The following CCDC125 variants were observed in gnomAD, a reference collection of about 807,000 sequenced individuals.
CCDC125 encodes coiled-coil domain-containing protein 125.
A neutral mutation model predicts 57.4 loss-of-function variants in CCDC125; 43 were observed. The ratio of observed to expected loss-of-function variants is 0.75; its 90% confidence interval spans 0.59 to 0.97. The LOEUF (loss-of-function observed/expected upper bound fraction) is 0.97, where lower values mean the gene tolerates loss of function less well. Ranked by LOEUF, CCDC125 falls within the 50% of genes least tolerant of loss-of-function variation. The pLI is 0.00. For missense variants in CCDC125, 563 were observed against 595.7 expected, an observed-to-expected ratio of 0.95 and a Z score of 0.57; for synonymous variants, 187 against 195.2, an observed-to-expected ratio of 0.96 and a Z score of 0.35.
At chr5:69,273,680 G>A in the CCDC125 span, among the ~76,000 whole-genome samples, 219 of 152,318 alleles carry the variant, frequency 1.4e-3, no homozygotes, top group African/African-American at 5.1e-3. Flanking sequence ...ACACAGTGCA[G>A]TGATTTTACC....
intron 7 of CCDC125, among the ~76,000 whole-genome samples, chr5:69,300,463 T>C (rs186330896): frequency 3.9e-5 from 6 of 152,208 alleles, no homozygotes; most frequent in African/African-American, 7.2e-5. Context: ...GTGAGAAAAC[T>C]GGATGGTGAG....
intron 7 of CCDC125, 98 bp downstream of exon 7, chr5:69,303,749 C>T (rs1161758568): frequency 4.5e-6 from 3 of 667,756 alleles, no homozygotes; most frequent in African/African-American, 1.9e-5. Context: ...CTAAATGATA[C>T]ATTTCTCCCC....
At chr5:69,277,631 G>A (rs1353937499), downstream of CCDC125, among the ~76,000 whole-genome samples, 3 of 152,058 alleles carry the variant, frequency 2.0e-5, no homozygotes, top group Non-Finnish European at 2.9e-5. Context: ...TTAGCTGGGC[G>A]TGGTGGTGGG....
chr5:69,299,172 C>G (rs559752773), intron 8 of CCDC125, among the ~76,000 whole-genome samples: 2 of 150,890 alleles, frequency 1.3e-5, no homozygotes, highest in South Asian at 2.1e-4. Flanking sequence ...TGCAGTGGCG[C>G]GATCTCGGCT....
chr5:69,281,770 T>C lies in CCDC125; in HGVS notation c.*959A>G, dbSNP rs1272485548. On this transcript the variant is annotated 3_prime_UTR_variant, in exon 12 of 12. Transcript: ENST00000396496. ...TACTTTTTAGAGCATTAAGATACAT[T>C]GCTATATTGTTGATTTAGCCAAGCT... is the stretch of plus-strand genomic sequence containing the variant. 2.0e-5 allele frequency: 3 copies of C among 152,190 alleles called. No homozygotes were observed. The highest frequency in any genetic ancestry group is 4.4e-5 in the Non-Finnish European group (3 of 68,034). The allele number at this position is 152,190 out of a possible 1,614,324, so 9.4% of individuals were successfully genotyped here. A position where few individuals can be genotyped will look rare whatever the true frequency, so the allele number is the denominator to read the frequency against.
intron 8 of CCDC125, among the ~76,000 whole-genome samples, chr5:69,297,347 A>ATATTTATT (rs376399179): frequency 0.042 from 6,361 of 150,948 alleles, 476 homozygotes; most frequent in African/African-American, 0.15. Context: ...GGCCTGTGCC[A>ATATTTATT]TATTTATTTA....
intron 6 of CCDC125, 81 bp downstream of exon 6, chr5:69,306,736 C>T: frequency 7.7e-7 from 1 of 1,305,914 alleles, no homozygotes; most frequent in South Asian, 2.7e-5. Context: ...GCACTTGGCT[C>T]AAAGAAGAAA....
intron 7 of CCDC125, 90 bp from the exon 8 acceptor site, chr5:69,300,217 G>A (rs1437633378): frequency 1.4e-5 from 13 of 921,124 alleles, no homozygotes; most frequent in South Asian, 8.2e-5. Context: ...TATTCATTTC[G>A]TACAAGCAAT....
At chr5:69,309,483 C>T (rs937486169) in intron 4 of CCDC125, 1 of 152,194 alleles carries the variant, frequency 6.6e-6, no homozygotes, top group African/African-American at 2.4e-5. Context: ...TGATGTTGAG[C>T]CTGCAGGTGC....
chr5:69,313,265 C>T (rs1459510118), intron 3 of CCDC125: 1 of 557,414 alleles, frequency 1.8e-6, no homozygotes, highest in East Asian at 3.3e-5. Flanking sequence ...CCTTCCCCTG[C>T]TGGGATTCCC....
intron 1 of CCDC125, among the ~76,000 whole-genome samples, chr5:69,329,084 C>T (rs771856288): frequency 4.0e-5 from 6 of 151,544 alleles, no homozygotes; most frequent in East Asian, 2.0e-4. Context: ...TGAGCCACCA[C>T]GCCCGGCCTA....
chr5:69,299,596 TG>T (rs1756032831), intron 8 of CCDC125, among the ~76,000 whole-genome samples: 1 of 152,194 alleles, frequency 6.6e-6, no homozygotes. Flanking sequence ...GGAAAGTAAC[TG>T]AACTAATTTG....
chr5:69,274,612 A>T, the CCDC125 span, among the ~76,000 whole-genome samples: 1 of 152,040 alleles, frequency 6.6e-6, no homozygotes, highest in African/African-American at 2.4e-5. Context: ...ATCCTAAAGG[A>T]AGTATTTATT....
chr5:69,295,884 T>C (rs1755223734), intron 8 of CCDC125, among the ~76,000 whole-genome samples: 1 of 127,554 alleles, frequency 7.8e-6, no homozygotes, highest in Non-Finnish European at 1.8e-5. Context: ...GAACACTGAC[T>C]TCTTTTTTTT....
At chr5:69,306,716 G>T (rs375832347) in intron 6 of CCDC125, 101 bp downstream of exon 6, 2 of 1,241,738 alleles carry the variant, frequency 1.6e-6, no homozygotes, top group Non-Finnish European at 1.0e-6. Flanking sequence ...TAAAAATTTT[G>T]TAATATTTTG....
At chr5:69,285,123 C>CA (rs140490106) in intron 11 of CCDC125, among the ~76,000 whole-genome samples, 33 of 151,102 alleles carry the variant, frequency 2.2e-4, no homozygotes, top group African/African-American at 6.1e-4. Context: ...AACCAAAAAA[C>CA]AAACAAAACA....
In CCDC125 at chr5:69,282,539, T is replaced by C. The variant is rs1204934509; in HGVS notation, c.*190A>G. On this transcript the variant is annotated 3_prime_UTR_variant, in exon 12 of 12. Transcript: ENST00000396496. ...TCACACCACTGCACTCCAACCTGGG[T>C]GACAGAGCAAGACTCCATCTCAAAA... 2 of 530,914 alleles carry C rather than the reference T, an allele frequency of 3.8e-6. No homozygotes were observed. The highest frequency in any genetic ancestry group is 6.4e-5 in the East Asian group (2 of 31,392). The allele number at this position is 530,914 out of a possible 1,614,324, so 32.9% of individuals were successfully genotyped here.
At position 69,318,418 on chromosome 5, in the gene CCDC125, C is replaced by G. The variant is rs927235488; in HGVS notation, c.304+1819G>C. 5.3e-5 allele frequency among the ~76,000 whole-genome samples: 8 copies of G among 151,580 alleles called. No homozygotes were observed. In the East Asian group the frequency reaches 1.6e-3, roughly 30 times the overall value. Reference sequence around the variant, plus strand: ...GCTGTGATCATGCTACTGCACTCCACCTTAGTGACACAGTGAGACTGTCTC... The same window carrying G: ...GCTGTGATCATGCTACTGCACTCCAGCTTAGTGACACAGTGAGACTGTCTC... On this transcript the variant is annotated intron_variant, in intron 2 of 11. Transcript: ENST00000396496.
chr5:69,317,948 A>G (rs1257973941), intron 2 of CCDC125, among the ~76,000 whole-genome samples: 1 of 150,748 alleles, frequency 6.6e-6, no homozygotes, highest in Non-Finnish European at 1.5e-5. Context: ...CAGCCTGGGT[A>G]ACATAGTGAG....
Sources: allele counts gnomAD v4.1 joint callset (sites outside exome capture counted in the v4.1 genomes callset), GRCh38; gene constraint gnomAD v4.1.1; transcripts MANE v1.5; gene names NCBI Gene and HGNC (gene_info 2026-07-23, HGNC 2026-07-21).